CDH1: variants seen among roughly 807,000 people sequenced by gnomAD.
CDH1 encodes cadherin 1, also known as cadherin-1.
Under a neutral mutation model 84.5 loss-of-function variants are expected in CDH1, and 35 were observed. That is an observed-to-expected ratio of 0.41 (90% CI 0.32 to 0.55). CDH1 has a LOEUF of 0.55. Ranked by LOEUF, CDH1 falls within the 20% of genes least tolerant of loss-of-function variation. The pLI is 0.19. For missense variants in CDH1, 994 were observed against 1,126.6 expected, an observed-to-expected ratio of 0.88 and a Z score of 1.68; for synonymous variants, 417 against 439.0, an observed-to-expected ratio of 0.95 and a Z score of 0.63.
intron 2 of CDH1, among the ~76,000 whole-genome samples, chr16:68,779,465 T>G (rs1395760720): frequency 6.6e-6 from 1 of 152,224 alleles, no homozygotes. Flanking sequence ...TGAGTATTGC[T>G]TTATTCACCT....
At chr16:68,815,387 G>A (rs1413462047) in intron 9 of CDH1, 128 bp from the exon 10 acceptor site, 3 of 1,236,482 alleles carry the variant, frequency 2.4e-6, no homozygotes, top group Non-Finnish European at 3.4e-6. Flanking sequence ...GAAAGTCATG[G>A]CAGAAACCAC....
intron 2 of CDH1, among the ~76,000 whole-genome samples, chr16:68,764,438 A>G (rs1312508767): frequency 6.6e-6 from 1 of 152,192 alleles, no homozygotes; most frequent in African/African-American, 2.4e-5. Flanking sequence ...TTAGCCAGGT[A>G]TGGTGCTGTG....
At chr16:68,782,393 G>A (rs1030828680) in intron 2 of CDH1, among the ~76,000 whole-genome samples, 3 of 152,232 alleles carry the variant, frequency 2.0e-5, no homozygotes, top group Non-Finnish European at 4.4e-5. Context: ...GAACAGGAGC[G>A]GCAGCTTACC....
At position 68,819,408 on chromosome 16, in the gene CDH1, T is replaced by A. The variant is rs2152136997; in HGVS notation, c.1694T>A (p.Ile565Asn). Residue 565 changes from isoleucine (I) to asparagine (N), a missense_variant, in exon 11 of 16, where the codon ATC becomes AAC. Physicochemically the swap from Ile to Asn is moderately radical, Grantham distance 149. Around this residue, in one of 3 missense-constraint regions of CDH1, gnomAD observed 769 missense variants for 881.8 expected, o/e 0.87. Coordinates refer to ENST00000261769, the MANE Select transcript of CDH1 (RefSeq NM_004360.5). The part of the protein sequence containing the change: ...HVKNSTYTAL[I>N]IATDNGSPVA... ...AAGAACAGCACGTACACAGCCCTAATCATAGCTACAGACAATGGTAAGGGG... is the reference window on the plus strand; with the variant it reads ...AAGAACAGCACGTACACAGCCCTAAACATAGCTACAGACAATGGTAAGGGG... 6.2e-7 allele frequency: 1 copy of A among 1,613,672 alleles called. No homozygotes were observed. The highest frequency in any genetic ancestry group is 8.5e-7 in the Non-Finnish European group (1 of 1,180,022).
intron 11 of CDH1, among the ~76,000 whole-genome samples, chr16:68,820,838 G>A (rs1961123856): frequency 6.6e-6 from 1 of 152,096 alleles, no homozygotes; most frequent in Non-Finnish European, 1.5e-5. Flanking sequence ...GGTCTGAGGT[G>A]GGAGATGGCT....
chr16:68,810,791 G>A (rs112735748), intron 6 of CDH1, among the ~76,000 whole-genome samples: 3 of 151,882 alleles, frequency 2.0e-5, no homozygotes, highest in Admixed American at 6.6e-5. Context: ...GCTTGAACCC[G>A]GGAGGCGGGG....
intron 2 of CDH1, among the ~76,000 whole-genome samples, chr16:68,765,919 A>C (rs1419491251): frequency 6.6e-6 from 1 of 151,990 alleles, no homozygotes; most frequent in African/African-American, 2.4e-5. Flanking sequence ...GTATGCATTT[A>C]GTTTTACATA....
chr16:68,757,024 A>ACAAAT (rs566616069), intron 2 of CDH1, among the ~76,000 whole-genome samples: 216 of 152,070 alleles, frequency 1.4e-3, no homozygotes, highest in Non-Finnish European at 2.4e-3. Context: ...ACAAAACAAA[A>ACAAAT]CAAAGCCCTC....
chr16:68,795,323 C>T (rs950601375), intron 2 of CDH1, among the ~76,000 whole-genome samples: 1 of 152,040 alleles, frequency 6.6e-6, no homozygotes, highest in African/African-American at 2.4e-5. Context: ...TTTCATCCAT[C>T]AAGTTAGATT....
At chr16:68,800,662 T>A (rs1567500626) in intron 2 of CDH1, among the ~76,000 whole-genome samples, 2 of 152,076 alleles carry the variant, frequency 1.3e-5, no homozygotes, top group Non-Finnish European at 2.9e-5. Flanking sequence ...GAATGAATGG[T>A]CTTATCGACT....
chr16:68,789,066 C>T (rs1272354072), intron 2 of CDH1, among the ~76,000 whole-genome samples: 1 of 152,084 alleles, frequency 6.6e-6, no homozygotes, highest in African/African-American at 2.4e-5. Flanking sequence ...CTGTGTCACC[C>T]AAGCTGGAGT....
intron 4 of CDH1, 24 bp from the exon 5 acceptor site, chr16:68,808,669 C>T (rs1278417553): frequency 2.5e-6 from 4 of 1,613,868 alleles, no homozygotes; most frequent in Non-Finnish European, 3.4e-6. Flanking sequence ...TTTACTAATT[C>T]TTTTTCTTTC....
intron 2 of CDH1, among the ~76,000 whole-genome samples, chr16:68,781,216 G>A (rs548622378): frequency 6.6e-6 from 1 of 152,310 alleles, no homozygotes; most frequent in East Asian, 1.9e-4. Context: ...AGGTCAGAGG[G>A]TTTGAGTTGA....
chr16:68,814,907 G>A (rs1004377792), intron 9 of CDH1, among the ~76,000 whole-genome samples: 1 of 142,622 alleles, frequency 7.0e-6, no homozygotes, highest in Non-Finnish European at 1.5e-5. Flanking sequence ...GCAATAGAAT[G>A]AGACTCCATC....
At chr16:68,828,451 T>C in intron 14 of CDH1, 147 bp downstream of exon 14, 1 of 751,158 alleles carries the variant, frequency 1.3e-6, no homozygotes, top group Admixed American at 2.1e-5. Flanking sequence ...GACATTGTCA[T>C]TGACCATCAT....
intron 2 of CDH1, among the ~76,000 whole-genome samples, chr16:68,762,912 CAAAAAAAAAAAAAAAAA>C (rs55899466): frequency 4.9e-5 from 3 of 61,464 alleles, no homozygotes; most frequent in Non-Finnish European, 8.1e-5. Context: ...GATTCCGTCT[CAAAAAAAAAAAAAAAAA>C]AAAAAAAAAA....
intron 2 of CDH1, among the ~76,000 whole-genome samples, chr16:68,750,743 C>A (rs1341710957): frequency 6.7e-6 from 1 of 148,484 alleles, no homozygotes; most frequent in African/African-American, 2.5e-5. Flanking sequence ...GGGTCTCTGT[C>A]GCTCAGGCTG....
chr16:68,809,484 G>A (rs995383848), intron 5 of CDH1, among the ~76,000 whole-genome samples: 11 of 150,788 alleles, frequency 7.3e-5, no homozygotes, highest in Non-Finnish European at 1.5e-4. Context: ...TTACAGGAGG[G>A]AGCCACTGCA....
chr16:68,824,108 C>T (rs563040607), intron 13 of CDH1, among the ~76,000 whole-genome samples: 1 of 149,744 alleles, frequency 6.7e-6, no homozygotes, highest in Admixed American at 6.7e-5. Flanking sequence ...AGCGATTCTC[C>T]CGCCTCAGCC....
Sources: allele counts gnomAD v4.1 joint callset (sites outside exome capture counted in the v4.1 genomes callset), GRCh38; gene constraint gnomAD v4.1.1; regional missense constraint gnomAD v4.1.1; transcripts MANE v1.5; gene names NCBI Gene and HGNC (gene_info 2026-07-23, HGNC 2026-07-21).